The following TBC1D14 variants were observed in gnomAD, a reference collection of about 807,000 sequenced individuals.
The protein encoded by TBC1D14 is TBC1 domain family member 14.
TBC1D14 carries 26 observed loss-of-function variants against 79.0 expected under a neutral mutation model. The observed-to-expected ratio is 0.33, with a 90% CI of 0.24 to 0.46. The LOEUF is 0.46. Ranked by LOEUF, TBC1D14 falls within the 20% of genes least tolerant of loss-of-function variation. The pLI is 1.00. For missense variants in TBC1D14, 769 were observed against 887.6 expected, an observed-to-expected ratio of 0.87 and a Z score of 1.70; for synonymous variants, 394 against 349.9, an observed-to-expected ratio of 1.13 and a Z score of -1.40.
intron 2 of TBC1D14, among the ~76,000 whole-genome samples, chr4:6,956,101 T>A (rs746283486): frequency 1.3e-5 from 2 of 152,180 alleles, no homozygotes; most frequent in Non-Finnish European, 2.9e-5. Flanking sequence ...TCCATGAGCT[T>A]GACATTCTGC....
At chr4:6,911,651 C>G (rs539248940) in intron 1 of TBC1D14, among the ~76,000 whole-genome samples, 1 of 152,360 alleles carries the variant, frequency 6.6e-6, no homozygotes, top group South Asian at 2.1e-4. Flanking sequence ...GGGTGAATTC[C>G]TGTCTTTCAT....
intron 2 of TBC1D14, among the ~76,000 whole-genome samples, chr4:6,926,103 C>T (rs146877457): frequency 5.8e-4 from 89 of 152,330 alleles, no homozygotes; most frequent in Admixed American, 2.4e-3. Flanking sequence ...CGCGGAGGAG[C>T]GTGGCCCGTG....
intron 1 of TBC1D14, among the ~76,000 whole-genome samples, chr4:6,918,842 TA>T (rs1301851370): frequency 6.6e-6 from 1 of 152,224 alleles, no homozygotes; most frequent in East Asian, 1.9e-4. Context: ...TCCTTTTAAT[TA>T]AAGTGTATGT....
At chr4:6,916,167 G>A (rs1268525175) in intron 1 of TBC1D14, among the ~76,000 whole-genome samples, 4 of 151,348 alleles carry the variant, frequency 2.6e-5, no homozygotes, top group African/African-American at 9.7e-5. Context: ...GGAAGTCAGT[G>A]GCCAGAGCTG....
intron 2 of TBC1D14, among the ~76,000 whole-genome samples, chr4:6,959,006 C>T (rs964179191): frequency 6.6e-6 from 1 of 152,090 alleles, no homozygotes; most frequent in African/African-American, 2.4e-5. Flanking sequence ...GCCTCAGCCT[C>T]CCAAGTAGCT....
chr4:6,972,210 T>C (rs1716285665), intron 3 of TBC1D14, among the ~76,000 whole-genome samples: 1 of 152,234 alleles, frequency 6.6e-6, no homozygotes, highest in Admixed American at 6.5e-5. Flanking sequence ...CTGTGGCCCT[T>C]GCCTTCGTTG....
At chr4:6,941,489 G>T (rs778042571) in intron 2 of TBC1D14, among the ~76,000 whole-genome samples, 1 of 152,172 alleles carries the variant, frequency 6.6e-6, no homozygotes, top group Admixed American at 6.5e-5. Context: ...CCGGCCAAAA[G>T]CAGCTCTTTA....
rs1207203422 is a variant in TBC1D14, at chr4:7,010,087, G to A, written c.1518+139G>A. Reference sequence around the variant, plus strand: ...GTATGAAAAGTCTCGTGGTAAGTGAGTTAAGTGAGTTGACTCAGGTTCCTC... The same window carrying A: ...GTATGAAAAGTCTCGTGGTAAGTGAATTAAGTGAGTTGACTCAGGTTCCTC... On this transcript the variant is annotated intron_variant, in intron 10 of 13. Coordinates refer to ENST00000409757, the MANE Select transcript of TBC1D14 (RefSeq NM_020773.3). 4 of 870,968 alleles carry A rather than the reference G, an allele frequency of 4.6e-6. No homozygotes were observed. In the Admixed American group the frequency reaches 7.7e-5, roughly 17 times the overall value. The allele number at this position is 870,968 out of a possible 1,614,324, so 54.0% of individuals were successfully genotyped here.
intron 2 of TBC1D14, among the ~76,000 whole-genome samples, chr4:6,933,788 C>A (rs1712016929): frequency 1.3e-5 from 2 of 152,244 alleles, no homozygotes; most frequent in South Asian, 4.1e-4. Flanking sequence ...AAACAGAATG[C>A]CCTGAGGTGC....
At chr4:6,937,775 A>C (rs967859259) in intron 2 of TBC1D14, among the ~76,000 whole-genome samples, 1 of 152,048 alleles carries the variant, frequency 6.6e-6, no homozygotes, top group African/African-American at 2.4e-5. Flanking sequence ...TGGGGCATGG[A>C]TTCTCCGGGC....
rs536279598 is a variant in TBC1D14, at chr4:6,994,033, G to A, written c.844-151G>A. ...TCCAGAAAGACCCCTTTAGTCAGCG[G>A]CTTTTCATTCTGAATAGCAGGAAAG... On this transcript the variant is annotated intron_variant, in intron 3 of 13. Transcript: ENST00000409757. 12 of 645,298 alleles carry A rather than the reference G, an allele frequency of 1.9e-5. No individual in the cohort carries two copies. In the South Asian group the frequency reaches 2.2e-4, roughly 12 times the overall value. 40.0% of individuals were successfully genotyped at this position (645,298 alleles called of 1,614,324 possible). A position where few individuals can be genotyped will look rare whatever the true frequency, so the allele number is the denominator to read the frequency against.
chr4:6,944,678 G>A (rs988696345), intron 2 of TBC1D14, among the ~76,000 whole-genome samples: 5 of 152,230 alleles, frequency 3.3e-5, no homozygotes, highest in Non-Finnish European at 4.4e-5. Context: ...AAATTGAGGC[G>A]TAGGAAAATT....
chr4:6,935,991 CTT>C (rs1318432438), intron 2 of TBC1D14, among the ~76,000 whole-genome samples: 1 of 152,160 alleles, frequency 6.6e-6, no homozygotes, highest in African/African-American at 2.4e-5. Flanking sequence ...AAAAAATAGA[CTT>C]TATTTTTTAG....
At chr4:6,939,238 GTCC>G (rs903766034) in intron 2 of TBC1D14, among the ~76,000 whole-genome samples, 1 of 152,132 alleles carries the variant, frequency 6.6e-6, no homozygotes, top group Non-Finnish European at 1.5e-5. Context: ...AGTCCCTGCT[GTCC>G]TCCTGCAGGC....
At chr4:6,945,026 A>G (rs1253729336) in intron 2 of TBC1D14, among the ~76,000 whole-genome samples, 1 of 152,218 alleles carries the variant, frequency 6.6e-6, no homozygotes, top group Non-Finnish European at 1.5e-5. Flanking sequence ...GCCCTGGGAC[A>G]CTAGCAGAAC....
Position 6,996,403 on chromosome 4 carries a change from G to T in TBC1D14, c.1041G>T (p.Lys347Asn), listed in dbSNP as rs759483541. 1.2e-6 allele frequency: 2 copies of T among 1,613,046 alleles called. No individual in the cohort carries two copies. Among genetic ancestry groups the T allele is most frequent in the Non-Finnish European group, 1.7e-6 (2 of 1,179,138 alleles). ...AAGAAATGGTGGTTCAGGCCAAAAA[G>T]CGAGGTAATGGGGTTCACACTTGAT... ...QYEEMVVQAK[K>N]RELKEAQRRK... The change falls in exon 5 of 14, where the codon AAG becomes AAT. Residue 347 changes from lysine to asparagine, a missense_variant. Physicochemically the swap from Lys to Asn is moderately conservative, Grantham distance 94 (BLOSUM62 0). This residue lies in a region of TBC1D14 where 367 missense variants were observed against 494.4 expected (regional missense o/e 0.74). Transcript: ENST00000409757.
chr4:7,030,442 GC>G lies in TBC1D14; in HGVS notation c.*54del. On this transcript the variant is annotated 3_prime_UTR_variant, in exon 14 of 14. Transcript: ENST00000409757. Reference sequence around the variant, plus strand: ...GCACCAATCAGAGCCCCATGCCGCGGCCCCTCTGTTGTTTCAGACTGACACC... The same window carrying G: ...GCACCAATCAGAGCCCCATGCCGCGGCCCTCTGTTGTTTCAGACTGACACC... 1 of 1,597,334 alleles carries G rather than the reference GC, an allele frequency of 6.3e-7. No individual in the cohort carries two copies. The highest frequency in any genetic ancestry group is 8.6e-7 in the Non-Finnish European group (1 of 1,165,868).
chr4:7,016,811 C>T (rs1184468851), intron 12 of TBC1D14, among the ~76,000 whole-genome samples: 1 of 152,164 alleles, frequency 6.6e-6, no homozygotes, highest in Non-Finnish European at 1.5e-5. Context: ...TCATGCCTGG[C>T]AGTGTGAAAA....
chr4:6,916,432 C>T (rs1049305960), intron 1 of TBC1D14, among the ~76,000 whole-genome samples: 1 of 152,240 alleles, frequency 6.6e-6, no homozygotes, highest in African/African-American at 2.4e-5. Context: ...ACACCTAGAT[C>T]TCTTGGTTTG....
Sources: gnomAD v4.1 joint callset for allele counts (sites outside exome capture counted in the v4.1 genomes callset) on GRCh38, gnomAD v4.1.1 for gene constraint, gnomAD v4.1.1 regional missense constraint, MANE v1.5 for transcripts, NCBI Gene and HGNC (gene_info 2026-07-23, HGNC 2026-07-21) for gene names.